Variants in WWOX observed in about 807,000 individuals in gnomAD.
The protein encoded by WWOX is WW domain-containing oxidoreductase.
Under a neutral mutation model 46.2 loss-of-function variants are expected in WWOX, and 69 were observed. The observed-to-expected ratio is 1.49, with a 90% CI of 1.23 to 1.82. The LOEUF is 1.82. Ranked by LOEUF, WWOX falls within the 40% of genes most tolerant of loss-of-function variation. The probability of loss-of-function intolerance (pLI) is 0.00; values close to 1 mark genes in which losing one functional copy is unlikely to be tolerated. For synonymous variants in WWOX, 359 were observed against 202.6 expected (o/e 1.77, Z -6.56); for missense variants, 919 against 542.6 (o/e 1.69, Z -6.89).
At chr16:78,720,499 C>G (rs977923699) in intron 8 of WWOX, among the ~76,000 whole-genome samples, 2 of 140,974 alleles carry the variant, frequency 1.4e-5, no homozygotes, top group South Asian at 2.2e-4. Context: ...CACTTTTCTT[C>G]TGGAAAAAAT....
chr16:78,760,361 A>G (rs1481471761), intron 8 of WWOX, among the ~76,000 whole-genome samples: 4 of 152,186 alleles, frequency 2.6e-5, no homozygotes, highest in Non-Finnish European at 5.9e-5. Flanking sequence ...TGAGATTTGG[A>G]TGGGGACACA....
intron 8 of WWOX, chr16:79,205,760 T>A (rs974531700): frequency 2.0e-5 from 3 of 152,188 alleles, no homozygotes; most frequent in African/African-American, 7.2e-5. Flanking sequence ...GGGAGTCAGT[T>A]GTCAGGAATT....
chr16:78,996,297 C>A (rs1403694783), intron 8 of WWOX: 1 of 983,554 alleles, frequency 1.0e-6, no homozygotes, highest in Admixed American at 6.2e-5. Context: ...GAAGATGGAT[C>A]TTGCCTTGTG....
chr16:78,817,629 AG>A (rs2051371803), intron 8 of WWOX, among the ~76,000 whole-genome samples: 1 of 152,178 alleles, frequency 6.6e-6, no homozygotes. Flanking sequence ...GTTCAAGTTT[AG>A]CCCCTGTTAA....
At chr16:78,567,596 A>G (rs985927418) in intron 8 of WWOX, among the ~76,000 whole-genome samples, 1 of 140,746 alleles carries the variant, frequency 7.1e-6, no homozygotes, top group Non-Finnish European at 1.5e-5. Flanking sequence ...TTTTTTGTGT[A>G]TTCTGAAAGG....
chr16:78,405,702 C>CT (rs755190518), intron 6 of WWOX, among the ~76,000 whole-genome samples: 1 of 152,168 alleles, frequency 6.6e-6, no homozygotes, highest in Non-Finnish European at 1.5e-5. Context: ...GAAATATCCT[C>CT]TTTTAGGCAC....
intron 3 of WWOX, 63 bp from the exon 4 acceptor site, chr16:78,114,913 T>A: frequency 1.2e-6 from 2 of 1,604,518 alleles, no homozygotes; most frequent in South Asian, 2.2e-5. Flanking sequence ...AGTATAAGAT[T>A]GTCTTATATT....
intron 8 of WWOX, among the ~76,000 whole-genome samples, chr16:78,867,320 T>A (rs1179402330): frequency 6.6e-6 from 1 of 152,162 alleles, no homozygotes; most frequent in African/African-American, 2.4e-5. Context: ...CCTTTCTATT[T>A]TATGTACATA....
intron 8 of WWOX, among the ~76,000 whole-genome samples, chr16:78,759,178 T>C (rs2049730398): frequency 1.3e-5 from 2 of 152,154 alleles, no homozygotes; most frequent in Admixed American, 1.3e-4. Flanking sequence ...GTGGTGACTA[T>C]GGGAAGATTA....
At chr16:79,194,755 C>T (rs925914820) in intron 8 of WWOX, among the ~76,000 whole-genome samples, 3 of 152,124 alleles carry the variant, frequency 2.0e-5, no homozygotes, top group Non-Finnish European at 1.5e-5. Flanking sequence ...GTTGATGTTT[C>T]TTGATCACTG....
intron 8 of WWOX, among the ~76,000 whole-genome samples, chr16:79,050,970 C>G (rs1008324195): frequency 6.6e-6 from 1 of 152,224 alleles, no homozygotes; most frequent in African/African-American, 2.4e-5. Flanking sequence ...GCCTTGAGTG[C>G]TCCTTGTGAA....
intron 8 of WWOX, among the ~76,000 whole-genome samples, chr16:78,832,174 C>T (rs1050042143): frequency 5.3e-5 from 8 of 152,232 alleles, no homozygotes; most frequent in African/African-American, 1.9e-4. Context: ...GTCTCAGAAT[C>T]CTTGACTGAA....
At chr16:78,384,878 G>A (rs2082027877) in intron 5 of WWOX, among the ~76,000 whole-genome samples, 1 of 152,126 alleles carries the variant, frequency 6.6e-6, no homozygotes. Context: ...GCTCACGCCT[G>A]TAATCCTAGC....
chr16:79,206,414 G>A (rs533193748), intron 8 of WWOX: 2 of 152,310 alleles, frequency 1.3e-5, no homozygotes, highest in African/African-American at 2.4e-5. Context: ...GGCTTTGGAC[G>A]AGTTGCTTTT....
At chr16:78,380,616 TAAAAC>T (rs949100869) in intron 5 of WWOX, among the ~76,000 whole-genome samples, 12 of 152,122 alleles carry the variant, frequency 7.9e-5, no homozygotes, top group African/African-American at 1.9e-4. Context: ...ATCACGATGA[TAAAAC>T]AATACATAAT....
At chr16:78,206,815 C>T (rs1157561693) in intron 5 of WWOX, among the ~76,000 whole-genome samples, 1 of 152,046 alleles carries the variant, frequency 6.6e-6, no homozygotes, top group African/African-American at 2.4e-5. Flanking sequence ...GGAATACGTC[C>T]AAGGTCACAC....
At chr16:78,319,167 G>A (rs1004900551) in intron 5 of WWOX, among the ~76,000 whole-genome samples, 4 of 152,150 alleles carry the variant, frequency 2.6e-5, no homozygotes, top group Non-Finnish European at 4.4e-5. Flanking sequence ...CTTTGAAAAT[G>A]GAGGGAGGCG....
chr16:78,916,058 C>A (rs1280465782), intron 8 of WWOX, among the ~76,000 whole-genome samples: 1 of 152,142 alleles, frequency 6.6e-6, no homozygotes, highest in Non-Finnish European at 1.5e-5. Context: ...TCTGAGTGTG[C>A]AGACACGATG....
chr16:78,833,871 T>C (rs2051901024), intron 8 of WWOX, among the ~76,000 whole-genome samples: 1 of 152,272 alleles, frequency 6.6e-6, no homozygotes, highest in Admixed American at 6.5e-5. Flanking sequence ...TCATGCCTTC[T>C]CTATGGTACC....
Sources: allele counts gnomAD v4.1 joint callset (sites outside exome capture counted in the v4.1 genomes callset), GRCh38; gene constraint gnomAD v4.1.1; transcripts MANE v1.5; gene names NCBI Gene and HGNC (gene_info 2026-07-23, HGNC 2026-07-21).